Variants in B4GALT4 observed in about 807,000 individuals in gnomAD.
B4GALT4 encodes beta-1,4-galactosyltransferase 4.
Under a neutral mutation model 37.3 loss-of-function variants are expected in B4GALT4, and 27 were observed. The observed-to-expected ratio is 0.72, with a 90% confidence interval of 0.53 to 1.00. The LOEUF (loss-of-function observed/expected upper bound fraction) is 1.00, where lower values mean the gene tolerates loss of function less well. B4GALT4 is among the 50% of genes least tolerant of loss of function. The pLI, the probability that B4GALT4 is intolerant of heterozygous loss-of-function variation, is 0.00. For synonymous variants in B4GALT4, 148 were observed against 154.1 expected (o/e 0.96, Z 0.29); for missense variants, 372 against 413.1 (o/e 0.90, Z 0.86).
intron 2 of B4GALT4, among the ~76,000 whole-genome samples, chr3:119,230,543 A>AGCT (rs1274018008): frequency 6.6e-6 from 1 of 152,244 alleles, no homozygotes; most frequent in Non-Finnish European, 1.5e-5. Context: ...CAAAGACCTG[A>AGCT]GCTGGACACA....
rs144437593 is a variant in B4GALT4, at chr3:119,225,428, G to A, written c.487-1183C>T. ...TTTTTTTAATTTGAGATGGAATCTC[G>A]CTCTGTTGCCCAGGCTGGAGTGCAG... On this transcript the variant is annotated intron_variant, in intron 4 of 7. Transcript: ENST00000393765. Among the ~76,000 whole-genome samples, 778 of 151,774 alleles carry A rather than the reference G, an allele frequency of 5.1e-3. 6 individuals are homozygous for A. The highest frequency in any genetic ancestry group is 0.017 in the African/African-American group (714 of 41,358).
intron 2 of B4GALT4, chr3:119,234,896 T>C (rs2078939696): frequency 6.6e-6 from 1 of 152,236 alleles, no homozygotes; most frequent in South Asian, 2.1e-4. Flanking sequence ...TGGTCATGTT[T>C]TCATATTTGG....
intron 2 of B4GALT4, among the ~76,000 whole-genome samples, chr3:119,235,536 G>C (rs2078961328): frequency 6.6e-6 from 1 of 152,186 alleles, no homozygotes; most frequent in African/African-American, 2.4e-5. Context: ...CCAGAAGAAA[G>C]ACTGATTATT....
chr3:119,231,755 AATTTT>A (rs1359451942), intron 2 of B4GALT4, among the ~76,000 whole-genome samples: 2 of 142,504 alleles, frequency 1.4e-5, no homozygotes, highest in Admixed American at 1.4e-4. Context: ...TTATTTTATA[AATTTT>A]ATTTTATTTA....
chr3:119,234,868 C>T (rs2078938485), intron 2 of B4GALT4, among the ~76,000 whole-genome samples: 1 of 152,098 alleles, frequency 6.6e-6, no homozygotes, highest in African/African-American at 2.4e-5. Context: ...AGAAGTCTGC[C>T]CCGTAGTTAG....
chr3:119,238,697 C>A (rs34549395), intron 1 of B4GALT4, among the ~76,000 whole-genome samples: 33,648 of 151,942 alleles, frequency 0.22, 4,562 homozygotes, highest in Middle Eastern at 0.36. Flanking sequence ...TAGAAAAAAA[C>A]AGCGTATATA....
intron 3 of B4GALT4, among the ~76,000 whole-genome samples, chr3:119,228,266 A>G (rs1452611366): frequency 6.6e-6 from 1 of 152,048 alleles, no homozygotes; most frequent in African/African-American, 2.4e-5. Context: ...TCACCTTCTC[A>G]TCGTCATAAC....
At chr3:119,226,670 A>C in intron 4 of B4GALT4, 139 bp downstream of exon 4, 1 of 718,912 alleles carries the variant, frequency 1.4e-6, no homozygotes, top group Non-Finnish European at 2.3e-6. Flanking sequence ...ACTCCTTTCA[A>C]GGATAAATGA....
At chr3:119,228,822 C>T (rs2078711643) in intron 3 of B4GALT4, among the ~76,000 whole-genome samples, 1 of 138,194 alleles carries the variant, frequency 7.2e-6, no homozygotes, top group Admixed American at 7.0e-5. Context: ...GATTAAAGCA[C>T]TTATAAAAAG....
In B4GALT4 at chr3:119,216,445, TAC is replaced by T. The variant is rs71617679; in HGVS notation, c.798-103_798-102del. On this transcript the variant is annotated intron_variant, in intron 6 of 7. Transcript: ENST00000393765. ...GAAAATTTATACACACACACGCACA[TAC>T]ACACACACACACACACACACACACA... 257 of 26,922 alleles carry T rather than the reference TAC, an allele frequency of 9.5e-3. 2 individuals are homozygous for T. The highest frequency in any genetic ancestry group is 0.016 in the Middle Eastern group (2 of 128). The allele number at this position is 26,922 out of a possible 1,614,324, so 1.7% of individuals were successfully genotyped here.
intron 6 of B4GALT4, among the ~76,000 whole-genome samples, chr3:119,218,020 A>G (rs2078342203): frequency 6.6e-6 from 1 of 152,138 alleles, no homozygotes; most frequent in Admixed American, 6.5e-5. Context: ...CTGGCCCCCA[A>G]ATCCAAGTTG....
chr3:119,228,848 A>ATCTCTGTCTTTCTGTCTCCCTC (rs1553749684), intron 3 of B4GALT4, among the ~76,000 whole-genome samples: 1 of 151,342 alleles, frequency 6.6e-6, no homozygotes, highest in African/African-American at 2.4e-5. Context: ...GAGGCATGAG[A>ATCTCTGTCTTTCTGTCTCCCTC]TCTATCTATC....
At chr3:119,226,566 C>A in intron 4 of B4GALT4, 1 of 502,102 alleles carries the variant, frequency 2.0e-6, no homozygotes, top group Non-Finnish European at 3.6e-6. Flanking sequence ...GAAGGGCTCA[C>A]AAAACAGGCT....
At chr3:119,223,422 G>A (rs1422930429) in intron 5 of B4GALT4, among the ~76,000 whole-genome samples, 1 of 152,202 alleles carries the variant, frequency 6.6e-6, no homozygotes, top group African/African-American at 2.4e-5. Flanking sequence ...TTCCCGCTTG[G>A]TTGTGCTTGA....
intron 7 of B4GALT4, 50 bp from the exon 8 acceptor site, chr3:119,212,731 C>G: frequency 6.6e-7 from 1 of 1,505,788 alleles, no homozygotes; most frequent in Non-Finnish European, 8.9e-7. Flanking sequence ...ACATATGTCT[C>G]CACTGCATTT....
intron 6 of B4GALT4, among the ~76,000 whole-genome samples, chr3:119,217,468 G>A (rs2078322046): frequency 6.6e-6 from 1 of 152,146 alleles, no homozygotes; most frequent in South Asian, 2.1e-4. Flanking sequence ...GCAGCATGGA[G>A]CCCCTGGGTT....
intron 1 of B4GALT4, among the ~76,000 whole-genome samples, chr3:119,239,059 C>A (rs972787028): frequency 6.6e-6 from 1 of 152,008 alleles, no homozygotes; most frequent in Non-Finnish European, 1.5e-5. Context: ...TTGCCTGGGC[C>A]CATGGTACAC....
At chr3:119,235,455 A>G (rs191854090) in intron 2 of B4GALT4, among the ~76,000 whole-genome samples, 1 of 152,236 alleles carries the variant, frequency 6.6e-6, no homozygotes, top group Admixed American at 6.5e-5. Flanking sequence ...TTGCAGACAC[A>G]GGGCATGTGA....
intron 6 of B4GALT4, 126 bp from the exon 7 acceptor site, chr3:119,216,470 ACAGTGT>A: frequency 4.2e-6 from 2 of 477,584 alleles, no homozygotes; most frequent in South Asian, 5.6e-5. Flanking sequence ...ACACACACAC[ACAGTGT>A]CACAAACAGC....
Sources: gnomAD v4.1 joint callset for allele counts (sites outside exome capture counted in the v4.1 genomes callset) on GRCh38, gnomAD v4.1.1 for gene constraint, MANE v1.5 for transcripts, NCBI Gene and HGNC (gene_info 2026-07-23, HGNC 2026-07-21) for gene names.